MYO16: variants seen among roughly 807,000 people sequenced by gnomAD.
MYO16 encodes unconventional myosin-XVI.
A neutral mutation model predicts 205.3 loss-of-function variants in MYO16; 94 were observed. That is an observed-to-expected ratio of 0.46 (90% CI 0.39 to 0.54). The LOEUF (loss-of-function observed/expected upper bound fraction) is 0.54. Among genes scored for constraint, MYO16 ranks in the 20% least tolerant of loss-of-function variants. MYO16 has a pLI of 0.00. For missense variants in MYO16, 2,315 were observed against 2,387.5 expected (o/e 0.97, Z 0.63); for synonymous variants, 988 against 954.0 (o/e 1.04, Z -0.66).
At chr13:108,536,283 G>A in the MYO16 span, among the ~76,000 whole-genome samples, 1 of 152,108 alleles carries the variant, frequency 6.6e-6, no homozygotes, top group African/African-American at 2.4e-5. Context: ...ATTTACAACT[G>A]ACTCCTTCTC....
At chr13:109,007,305 G>A (rs60156191) in intron 21 of MYO16, among the ~76,000 whole-genome samples, 1,873 of 151,922 alleles carry the variant, frequency 0.012, 40 homozygotes, top group African/African-American at 0.043. Flanking sequence ...GGATAATGGT[G>A]TGAACCCGTG....
chr13:108,694,512 T>C (rs1038109608), intron 2 of MYO16, among the ~76,000 whole-genome samples: 1 of 152,206 alleles, frequency 6.6e-6, no homozygotes, highest in African/African-American at 2.4e-5. Context: ...GTCTTGTTGG[T>C]CGTTTTTATC....
intron 9 of MYO16, among the ~76,000 whole-genome samples, chr13:108,839,806 T>C (rs934296062): frequency 3.9e-5 from 6 of 152,278 alleles, no homozygotes; most frequent in South Asian, 4.1e-4. Flanking sequence ...CCATGAGTAA[T>C]AAAGTCTTTT....
intron 12 of MYO16, among the ~76,000 whole-genome samples, chr13:108,882,537 C>A (rs1251946624): frequency 6.6e-6 from 1 of 152,142 alleles, no homozygotes; most frequent in Non-Finnish European, 1.5e-5. Flanking sequence ...TTTAAAAGGA[C>A]TAAAACTACT....
intron 31 of MYO16, among the ~76,000 whole-genome samples, chr13:109,130,922 A>AC (rs1876503424): frequency 6.6e-6 from 1 of 152,192 alleles, no homozygotes; most frequent in Admixed American, 6.5e-5. Flanking sequence ...CTTTCCAAGT[A>AC]CTCAGTAGCC....
At chr13:108,980,830 T>C (rs1312944807) in intron 20 of MYO16, among the ~76,000 whole-genome samples, 1 of 152,204 alleles carries the variant, frequency 6.6e-6, no homozygotes, top group Non-Finnish European at 1.5e-5. Flanking sequence ...GTAAATGAGA[T>C]AGTCTTGGAG....
At chr13:108,578,607 C>T in the MYO16 span, among the ~76,000 whole-genome samples, 6 of 152,268 alleles carry the variant, frequency 3.9e-5, no homozygotes, top group African/African-American at 1.4e-4. Context: ...GCCAGGGGTC[C>T]CACTCTTCCC....
chr13:108,932,312 T>A (rs1882291534), intron 16 of MYO16, among the ~76,000 whole-genome samples: 1 of 152,064 alleles, frequency 6.6e-6, no homozygotes, highest in East Asian at 2.0e-4. Context: ...CTTCTCCTAC[T>A]GCTGCTTATT....
intron 3 of MYO16, among the ~76,000 whole-genome samples, chr13:108,718,515 C>A (rs978668784): frequency 4.6e-5 from 7 of 151,596 alleles, no homozygotes; most frequent in Non-Finnish European, 1.0e-4. Context: ...GAATGGGGGC[C>A]CCATGGAGGA....
chr13:109,047,935 T>C (rs1887099400), intron 24 of MYO16, among the ~76,000 whole-genome samples: 1 of 151,980 alleles, frequency 6.6e-6, no homozygotes, highest in African/African-American at 2.4e-5. Context: ...TATTGTGAGT[T>C]CTCTTAGCTA....
At chr13:108,730,247 C>T (rs1884478590) in intron 4 of MYO16, among the ~76,000 whole-genome samples, 1 of 152,192 alleles carries the variant, frequency 6.6e-6, no homozygotes, top group African/African-American at 2.4e-5. Context: ...AAGGGGCTTT[C>T]TCCTTCACTG....
chr13:109,079,654 G>A (rs1233991684), intron 27 of MYO16, among the ~76,000 whole-genome samples: 1 of 152,072 alleles, frequency 6.6e-6, no homozygotes, highest in Non-Finnish European at 1.5e-5. Context: ...CATGTAGTAT[G>A]CTCACTATCT....
At chr13:109,113,414 CT>C (rs1875504659) in intron 28 of MYO16, among the ~76,000 whole-genome samples, 1 of 152,170 alleles carries the variant, frequency 6.6e-6, no homozygotes, top group Admixed American at 6.5e-5. Flanking sequence ...TCTAATAAAC[CT>C]TTCAAAGGCA....
intron 14 of MYO16, among the ~76,000 whole-genome samples, chr13:108,890,092 G>A (rs1018992442): frequency 1.4e-4 from 20 of 138,274 alleles, no homozygotes; most frequent in Non-Finnish European, 1.2e-4. Context: ...TCTCTGCCTA[G>A]CTAATTTTTG....
chr13:109,179,391 A>T, intron 33 of MYO16, 151 bp from the exon 34 acceptor site: 2 of 597,552 alleles, frequency 3.3e-6, no homozygotes, highest in South Asian at 3.8e-5. Flanking sequence ...CCCATGTTTC[A>T]TTGCAAAATT....
At chr13:109,165,470 A>T (rs1488587981) in intron 33 of MYO16, among the ~76,000 whole-genome samples, 1 of 152,222 alleles carries the variant, frequency 6.6e-6, no homozygotes, top group Non-Finnish European at 1.5e-5. Context: ...AATGAGTGCC[A>T]CATTTAGAAA....
chr13:108,545,221 T>C, the MYO16 span, among the ~76,000 whole-genome samples: 2 of 152,272 alleles, frequency 1.3e-5, no homozygotes, highest in African/African-American at 4.8e-5. Flanking sequence ...ATGTACTGGA[T>C]GTTTAGCTTC....
intron 28 of MYO16, among the ~76,000 whole-genome samples, chr13:109,112,206 G>T (rs1160979215): frequency 1.3e-5 from 2 of 152,112 alleles, no homozygotes; most frequent in African/African-American, 4.8e-5. Context: ...CTCATATTAT[G>T]GAGGGCTTTA....
intron 4 of MYO16, among the ~76,000 whole-genome samples, chr13:108,742,830 A>G (rs1884950852): frequency 6.6e-6 from 1 of 152,190 alleles, no homozygotes; most frequent in African/African-American, 2.4e-5. Context: ...CTGCTCAGTC[A>G]CTTGCTTGCT....
Sources: gnomAD v4.1 joint callset for allele counts (sites outside exome capture counted in the v4.1 genomes callset) on GRCh38, gnomAD v4.1.1 for gene constraint, MANE v1.5 for transcripts, NCBI Gene and HGNC (gene_info 2026-07-23, HGNC 2026-07-21) for gene names.